The following CTNNA3 variants were observed in gnomAD, a reference collection of about 807,000 sequenced individuals.
CTNNA3 encodes catenin alpha 3.
Under a neutral mutation model 95.7 loss-of-function variants are expected in CTNNA3, and 76 were observed. The observed-to-expected ratio is 0.79, with a 90% CI of 0.66 to 0.96. The LOEUF (loss-of-function observed/expected upper bound fraction) is 0.96, where lower values mean the gene tolerates loss of function less well. CTNNA3 is among the 40% of genes least tolerant of loss of function. The pLI is 0.00. For synonymous variants in CTNNA3, 431 were observed against 374.4 expected, an observed-to-expected ratio of 1.15 and a Z score of -1.74; for missense variants, 1,191 against 1,089.8, an observed-to-expected ratio of 1.09 and a Z score of -1.31.
At chr10:66,459,322 GT>G (rs558256471) in intron 11 of CTNNA3, among the ~76,000 whole-genome samples, 79 of 152,250 alleles carry the variant, frequency 5.2e-4, no homozygotes, top group Non-Finnish European at 8.2e-4. Flanking sequence ...GTGTAGCTAA[GT>G]TTTGAGGGAG....
intron 13 of CTNNA3, among the ~76,000 whole-genome samples, chr10:66,108,290 G>C (rs1428868461): frequency 6.6e-6 from 1 of 152,068 alleles, no homozygotes; most frequent in African/African-American, 2.4e-5. Flanking sequence ...CCATGAGACT[G>C]GCACTCTACC....
At chr10:66,199,684 C>A (rs1232630487) in intron 13 of CTNNA3, among the ~76,000 whole-genome samples, 1 of 145,068 alleles carries the variant, frequency 6.9e-6, no homozygotes, top group African/African-American at 2.6e-5. Flanking sequence ...TCACTGCAAC[C>A]TTCGCCTCCC....
intron 3 of CTNNA3, among the ~76,000 whole-genome samples, chr10:67,587,193 T>TTGTGTGTGTGTGTGTGTGTGTGTG (rs57140243): frequency 7.7e-6 from 1 of 130,064 alleles, no homozygotes; most frequent in Non-Finnish European, 1.6e-5. Context: ...CCCAGCTAAC[T>TTGTGTGTGTGTGTGTGTGTGTGTG]TGTGTGTGTG....
At chr10:67,613,064 G>A (rs1281822421) in intron 2 of CTNNA3, among the ~76,000 whole-genome samples, 1 of 152,092 alleles carries the variant, frequency 6.6e-6, no homozygotes, top group East Asian at 1.9e-4. Flanking sequence ...TAGCTTTTGA[G>A]GCAATTTTGA....
chr10:67,468,293 C>T (rs1481641004), intron 5 of CTNNA3, among the ~76,000 whole-genome samples: 1 of 151,890 alleles, frequency 6.6e-6, no homozygotes, highest in African/African-American at 2.4e-5. Context: ...ACTCAGGAGG[C>T]TGACGGGGGA....
intron 5 of CTNNA3, among the ~76,000 whole-genome samples, chr10:67,230,012 A>C (rs181507357): frequency 2.8e-3 from 428 of 152,322 alleles, no homozygotes; most frequent in Non-Finnish European, 4.1e-3. Flanking sequence ...CTGCATAGCC[A>C]AAGCAAGACT....
At chr10:66,918,996 G>A (rs567292637) in intron 7 of CTNNA3, among the ~76,000 whole-genome samples, 26 of 151,848 alleles carry the variant, frequency 1.7e-4, no homozygotes, top group African/African-American at 5.6e-4. Context: ...TTAGCCGGGC[G>A]TGGTGGCAGG....
chr10:66,155,385 T>C (rs1589577254), intron 13 of CTNNA3, among the ~76,000 whole-genome samples: 1 of 151,910 alleles, frequency 6.6e-6, no homozygotes, highest in African/African-American at 2.4e-5. Flanking sequence ...TGTGTTATAC[T>C]TGTGCCACCA....
chr10:66,880,839 T>C (rs962000639), intron 7 of CTNNA3, among the ~76,000 whole-genome samples: 9 of 152,140 alleles, frequency 5.9e-5, no homozygotes, highest in African/African-American at 1.7e-4. Flanking sequence ...GGAAGCTAAG[T>C]AGAACTACAC....
chr10:67,448,381 G>T (rs1447985481), intron 5 of CTNNA3, among the ~76,000 whole-genome samples: 1 of 151,982 alleles, frequency 6.6e-6, no homozygotes, highest in Non-Finnish European at 1.5e-5. Flanking sequence ...AATTCATCTG[G>T]AAAATTAAGC....
intron 7 of CTNNA3, among the ~76,000 whole-genome samples, chr10:67,107,339 T>A (rs1468396409): frequency 6.6e-6 from 1 of 152,212 alleles, no homozygotes; most frequent in African/African-American, 2.4e-5. Context: ...TATTTTATCT[T>A]CTTTGAGGTG....
At chr10:67,620,500 T>C (rs1336984254) in intron 2 of CTNNA3, among the ~76,000 whole-genome samples, 1 of 152,186 alleles carries the variant, frequency 6.6e-6, no homozygotes, top group East Asian at 1.9e-4. Flanking sequence ...TATTGTTGAA[T>C]CACATCAGTT....
chr10:65,920,695 A>C lies in CTNNA3; in HGVS notation c.2401-78T>G. ...TATTGCCAAGCGTGGGCATGGTGGC[A>C]TGTGCCCGTTGCCCCAGCTACTCAG... is the stretch of plus-strand genomic sequence containing the variant. On this transcript the variant is annotated intron_variant, in intron 17 of 17. Transcript: ENST00000433211. 5 of 1,472,694 alleles carry C rather than the reference A, an allele frequency of 3.4e-6. No individual in the cohort carries two copies. The South Asian group carries it at 3.9e-5, about 11-fold the overall frequency. 91.2% of individuals were successfully genotyped at this position (1,472,694 alleles called of 1,614,324 possible). A position where few individuals can be genotyped will look rare whatever the true frequency, so the allele number is the denominator to read the frequency against.
chr10:66,804,868 A>G (rs1174549395), intron 7 of CTNNA3, among the ~76,000 whole-genome samples: 1 of 152,062 alleles, frequency 6.6e-6, no homozygotes, highest in Non-Finnish European at 1.5e-5. Flanking sequence ...CCTTGACTGG[A>G]ACTTGGGAGC....
intron 13 of CTNNA3, among the ~76,000 whole-genome samples, chr10:66,184,424 T>C (rs2086222482): frequency 6.6e-6 from 1 of 152,242 alleles, no homozygotes; most frequent in Non-Finnish European, 1.5e-5. Context: ...ATATAGGTAT[T>C]GTTCCATATT....
chr10:67,523,997 G>A (rs1246542866), intron 4 of CTNNA3, among the ~76,000 whole-genome samples: 6 of 152,086 alleles, frequency 3.9e-5, no homozygotes, highest in Non-Finnish European at 7.4e-5. Context: ...CCTGCACTTT[G>A]TCTTCCCTAA....
intron 10 of CTNNA3, among the ~76,000 whole-genome samples, chr10:66,581,544 T>C (rs1279479623): frequency 2.0e-5 from 3 of 151,796 alleles, no homozygotes; most frequent in Non-Finnish European, 4.4e-5. Flanking sequence ...ACCATTTGTA[T>C]ATTTTTTGAG....
intron 9 of CTNNA3, among the ~76,000 whole-genome samples, chr10:66,635,769 T>TAGA (rs1219072655): frequency 2.0e-5 from 3 of 152,172 alleles, no homozygotes; most frequent in Non-Finnish European, 4.4e-5. Context: ...GGTCTCTTAG[T>TAGA]AGAATGACAG....
At chr10:67,196,950 T>A (rs1272604953) in intron 6 of CTNNA3, among the ~76,000 whole-genome samples, 1 of 152,132 alleles carries the variant, frequency 6.6e-6, no homozygotes, top group Non-Finnish European at 1.5e-5. Flanking sequence ...ATTTAAAATG[T>A]GTAAAAAATC....
Sources: gnomAD v4.1 joint callset for allele counts (sites outside exome capture counted in the v4.1 genomes callset) on GRCh38, gnomAD v4.1.1 for gene constraint, MANE v1.5 for transcripts, NCBI Gene and HGNC (gene_info 2026-07-23, HGNC 2026-07-21) for gene names.